SKAP2: variants seen among roughly 807,000 people sequenced by gnomAD.
The protein encoded by SKAP2 is src kinase-associated phosphoprotein 2.
In SKAP2, 28 loss-of-function variants were observed where a neutral mutation model predicts 54.9. The ratio of observed to expected loss-of-function variants is 0.51; its 90% CI spans 0.38 to 0.70. SKAP2 has a LOEUF of 0.70. Among genes scored for constraint, SKAP2 ranks in the 30% least tolerant of loss-of-function variants. The pLI, the probability that SKAP2 is intolerant of heterozygous loss-of-function variation, is 0.00. For missense variants in SKAP2, 356 were observed against 424.1 expected (o/e 0.84, Z 1.41); for synonymous variants, 137 against 134.3 (o/e 1.02, Z -0.14).
At chr7:26,851,525 T>G in intron 3 of SKAP2, among the ~76,000 whole-genome samples, 1 of 151,866 alleles carries the variant, frequency 6.6e-6, no homozygotes, top group East Asian at 1.9e-4. Context: ...ATGAGAACAC[T>G]TGGATACAGG....
Position 26,671,734 on chromosome 7 carries a change from G to A in SKAP2, c.988-1542C>T, listed in dbSNP as rs184790711. ...CATTGATAGTGTGAACTTAGTGGAC[G>A]AAGCTGTATAAGGAACGAGGATACT... On this transcript the variant is annotated intron_variant, in intron 11 of 12. Coordinates refer to ENST00000345317, the MANE Select transcript of SKAP2 (RefSeq NM_003930.5). 4.4e-3 allele frequency among the ~76,000 whole-genome samples: 673 copies of A among 152,040 alleles called. 2 individuals carry two copies. Among genetic ancestry groups the A allele is most frequent in the Non-Finnish European group, 6.7e-3 (452 of 67,874 alleles).
At chr7:26,686,400 T>C (rs1786640730) in intron 10 of SKAP2, among the ~76,000 whole-genome samples, 2 of 152,072 alleles carry the variant, frequency 1.3e-5, no homozygotes, top group Non-Finnish European at 2.9e-5. Context: ...TATTGACTTC[T>C]CCACACTAGC....
intron 9 of SKAP2, among the ~76,000 whole-genome samples, chr7:26,699,183 C>T (rs1245160999): frequency 2.6e-5 from 4 of 152,120 alleles, no homozygotes; most frequent in African/African-American, 4.8e-5. Flanking sequence ...TACTACTTGT[C>T]GCGTCTGGGT....
At chr7:26,683,627 C>G (rs1306411740) in intron 11 of SKAP2, among the ~76,000 whole-genome samples, 3 of 152,082 alleles carry the variant, frequency 2.0e-5, no homozygotes. Flanking sequence ...CAAGACACAG[C>G]TCAAATCATG....
At chr7:26,701,444 G>A (rs1008254883) in intron 9 of SKAP2, among the ~76,000 whole-genome samples, 3 of 151,846 alleles carry the variant, frequency 2.0e-5, no homozygotes, top group Admixed American at 6.6e-5. Flanking sequence ...TTTAAAATTC[G>A]CATTCAGGCT....
At chr7:26,795,322 G>A (rs1783752570) in intron 4 of SKAP2, among the ~76,000 whole-genome samples, 1 of 152,204 alleles carries the variant, frequency 6.6e-6, no homozygotes. Flanking sequence ...TCATCTGGAT[G>A]AACATACTAA....
intron 6 of SKAP2, among the ~76,000 whole-genome samples, chr7:26,736,347 C>T (rs1787940569): frequency 6.6e-6 from 1 of 152,188 alleles, no homozygotes; most frequent in Non-Finnish European, 1.5e-5. Flanking sequence ...AATTATAACG[C>T]ATTAGCATGC....
At chr7:26,688,057 T>A (rs1215814459) in intron 10 of SKAP2, among the ~76,000 whole-genome samples, 1 of 152,092 alleles carries the variant, frequency 6.6e-6, no homozygotes, top group Non-Finnish European at 1.5e-5. Context: ...CTCCTGCTTT[T>A]AAAAACATAC....
At chr7:26,757,942 T>C (rs1185611047) in intron 4 of SKAP2, among the ~76,000 whole-genome samples, 1 of 152,170 alleles carries the variant, frequency 6.6e-6, no homozygotes, top group Non-Finnish European at 1.5e-5. Flanking sequence ...TTTGTATTTT[T>C]AATAGAGACA....
At chr7:26,746,262 T>C (rs562780397) in intron 4 of SKAP2, among the ~76,000 whole-genome samples, 1 of 152,294 alleles carries the variant, frequency 6.6e-6, no homozygotes, top group African/African-American at 2.4e-5. Flanking sequence ...ACAAGTGCAG[T>C]TTAATTACAC....
At chr7:26,746,510 T>G (rs1448250242) in intron 4 of SKAP2, 1 of 152,080 alleles carries the variant, frequency 6.6e-6, no homozygotes, top group Non-Finnish European at 1.5e-5. Flanking sequence ...AAATAAAATA[T>G]TTTAGTGGTG....
At chr7:26,834,998 C>T (rs1784675950) in intron 4 of SKAP2, among the ~76,000 whole-genome samples, 1 of 152,176 alleles carries the variant, frequency 6.6e-6, no homozygotes, top group African/African-American at 2.4e-5. Flanking sequence ...TTATCCACCA[C>T]AATCAAGTTG....
At chr7:26,756,824 T>C (rs1380778132) in intron 4 of SKAP2, among the ~76,000 whole-genome samples, 1 of 152,142 alleles carries the variant, frequency 6.6e-6, no homozygotes. Context: ...TATTTCTCCA[T>C]ATCCTCTCCA....
chr7:26,811,751 G>GCACTT (rs1174051060), intron 4 of SKAP2, among the ~76,000 whole-genome samples: 1 of 152,042 alleles, frequency 6.6e-6, no homozygotes, highest in African/African-American at 2.4e-5. Flanking sequence ...GAAGAAAAGG[G>GCACTT]CACTTAGTAG....
chr7:26,804,823 A>AT (rs1426929614), intron 4 of SKAP2, among the ~76,000 whole-genome samples: 2 of 152,148 alleles, frequency 1.3e-5, no homozygotes, highest in African/African-American at 4.8e-5. Flanking sequence ...TGAATAAAAT[A>AT]TTTTTTAAAT....
intron 4 of SKAP2, among the ~76,000 whole-genome samples, chr7:26,798,625 AC>A (rs1422752524): frequency 6.6e-6 from 1 of 152,224 alleles, no homozygotes; most frequent in African/African-American, 2.4e-5. Context: ...ATAGTATCAC[AC>A]TGTAACTGTG....
At chr7:26,781,509 A>G (rs1274287681) in intron 4 of SKAP2, among the ~76,000 whole-genome samples, 1 of 152,186 alleles carries the variant, frequency 6.6e-6, no homozygotes, top group African/African-American at 2.4e-5. Flanking sequence ...AAAACAGCTG[A>G]TGAGTCAACT....
chr7:26,697,477 T>C (rs1239940285), intron 9 of SKAP2, among the ~76,000 whole-genome samples: 1 of 152,214 alleles, frequency 6.6e-6, no homozygotes, highest in Non-Finnish European at 1.5e-5. Context: ...AATTATTCAC[T>C]GTATGATAAA....
In SKAP2 at chr7:26,668,664, T is replaced by TG. The variant is rs1248521154; in HGVS notation, c.*1001_*1002insC. 1.5e-5 allele frequency: 2 copies of TG among 134,434 alleles called. No individual in the cohort carries two copies. Among genetic ancestry groups the TG allele is most frequent in the Non-Finnish European group, 3.0e-5 (2 of 66,892 alleles). 8.3% of individuals were successfully genotyped at this position (134,434 alleles called of 1,614,324 possible). A position where few individuals can be genotyped will look rare whatever the true frequency, so the allele number is the denominator to read the frequency against. On this transcript the variant is annotated 3_prime_UTR_variant, in exon 13 of 13. Coordinates refer to ENST00000345317, the MANE Select transcript of SKAP2 (RefSeq NM_003930.5). ...CTTTGAGAATACACTGAGATTCTGTTTTTTTTTTTTTTTTTTTCTGAGATG... is the reference window on the plus strand; with the variant it reads ...CTTTGAGAATACACTGAGATTCTGTTGTTTTTTTTTTTTTTTTTCTGAGATG...
Sources: gnomAD v4.1 joint callset for allele counts (sites outside exome capture counted in the v4.1 genomes callset) on GRCh38, gnomAD v4.1.1 for gene constraint, MANE v1.5 for transcripts, NCBI Gene and HGNC (gene_info 2026-07-23, HGNC 2026-07-21) for gene names.